The following SLC24A2 variants were observed in gnomAD, a reference collection of about 807,000 sequenced individuals.
SLC24A2 encodes the protein sodium/potassium/calcium exchanger 2.
A neutral mutation model predicts 62.0 loss-of-function variants in SLC24A2; 36 were observed. That is an observed-to-expected ratio of 0.58 (90% CI 0.44 to 0.77). SLC24A2 has a LOEUF of 0.77. Among genes scored for constraint, SLC24A2 ranks in the 30% least tolerant of loss-of-function variants. The pLI, the probability that SLC24A2 is intolerant of heterozygous loss-of-function variation, is 0.00. For missense variants in SLC24A2, 846 were observed against 817.9 expected, an observed-to-expected ratio of 1.03 and a Z score of -0.42; for synonymous variants, 358 against 294.0, an observed-to-expected ratio of 1.22 and a Z score of -2.23.
the SLC24A2 span, among the ~76,000 whole-genome samples, chr9:20,163,308 A>C: frequency 4.6e-5 from 7 of 152,294 alleles, no homozygotes; most frequent in East Asian, 1.9e-4. Context: ...TCAATGTGCA[A>C]AAATCACAAG....
At chr9:20,127,985 T>C in the SLC24A2 span, among the ~76,000 whole-genome samples, 3 of 152,110 alleles carry the variant, frequency 2.0e-5, no homozygotes, top group South Asian at 6.2e-4. Context: ...AACCAATGCC[T>C]ACTACGTAGT....
chr9:19,815,798 T>C, the SLC24A2 span, among the ~76,000 whole-genome samples: 1 of 152,148 alleles, frequency 6.6e-6, no homozygotes, highest in Non-Finnish European at 1.5e-5. Context: ...CTGAATATTT[T>C]ACTTTTCACC....
At chr9:20,051,487 C>A in the SLC24A2 span, among the ~76,000 whole-genome samples, 7 of 151,848 alleles carry the variant, frequency 4.6e-5, no homozygotes, top group Non-Finnish European at 8.8e-5. Flanking sequence ...GATTAGCAAA[C>A]TTCATATCAT....
the SLC24A2 span, chr9:19,929,852 T>C: frequency 9.9e-5 from 15 of 152,270 alleles, no homozygotes; most frequent in African/African-American, 3.6e-4. Flanking sequence ...TGACCCTGTG[T>C]AGGCTAATGT....
chr9:20,057,994 T>A, the SLC24A2 span, among the ~76,000 whole-genome samples: 1 of 152,090 alleles, frequency 6.6e-6, no homozygotes, highest in African/African-American at 2.4e-5. Flanking sequence ...CTTTCTTTGG[T>A]AAACAAACAA....
At chr9:20,114,237 C>T in the SLC24A2 span, among the ~76,000 whole-genome samples, 1 of 152,100 alleles carries the variant, frequency 6.6e-6, no homozygotes, top group African/African-American at 2.4e-5. Context: ...AAGGAAAGAA[C>T]CACCGCAAAG....
intron 2 of SLC24A2, among the ~76,000 whole-genome samples, chr9:19,716,409 A>G (rs74751885): frequency 0.02 from 3,076 of 152,276 alleles, 97 homozygotes; most frequent in African/African-American, 0.069. Context: ...GTGGGTCCCA[A>G]TGATAGATAG....
chr9:19,784,690 G>T (rs1823110415), intron 2 of SLC24A2, among the ~76,000 whole-genome samples: 1 of 152,170 alleles, frequency 6.6e-6, no homozygotes. Context: ...GATGTACTCA[G>T]TTGTCACATC....
chr9:20,050,747 G>C, the SLC24A2 span, among the ~76,000 whole-genome samples: 1 of 152,066 alleles, frequency 6.6e-6, no homozygotes, highest in South Asian at 2.1e-4. Flanking sequence ...CATAATGTTG[G>C]GCCTGACTTA....
At chr9:20,260,816 T>C in the SLC24A2 span, among the ~76,000 whole-genome samples, 2 of 146,552 alleles carry the variant, frequency 1.4e-5, no homozygotes, top group Non-Finnish European at 3.0e-5. Flanking sequence ...CACCCTTTCC[T>C]CCGAGTCCCC....
In SLC24A2 at chr9:19,727,300, A is replaced by G. The variant is rs557212106; in HGVS notation, c.930+58637T>C. On this transcript the variant is annotated intron_variant, in intron 2 of 10. Coordinates refer to ENST00000341998, the MANE Select transcript of SLC24A2 (RefSeq NM_020344.4). ...TGATCATCACCCATGAAACAAAAAA[A>G]GAATATTTTAGATATAATCCAAATT... Among the ~76,000 whole-genome samples, 3 of 152,346 alleles carry G rather than the reference A, an allele frequency of 2.0e-5. No individual in the cohort carries two copies. In the East Asian group the frequency reaches 5.8e-4, roughly 29 times the overall value.
chr9:20,189,822 TAA>T, the SLC24A2 span, among the ~76,000 whole-genome samples: 50,263 of 151,888 alleles, frequency 0.33, 9,480 homozygotes, highest in East Asian at 0.78. Flanking sequence ...AGGTTTCTCC[TAA>T]GTTTCCAGCC....
At chr9:20,105,620 G>C in the SLC24A2 span, among the ~76,000 whole-genome samples, 5 of 151,958 alleles carry the variant, frequency 3.3e-5, no homozygotes, top group African/African-American at 1.2e-4. Context: ...ATGAAATGAA[G>C]GCAGAAATAA....
intron 5 of SLC24A2, among the ~76,000 whole-genome samples, chr9:19,591,315 T>G (rs1412135078): frequency 6.6e-6 from 1 of 152,248 alleles, no homozygotes; most frequent in African/African-American, 2.4e-5. Context: ...TAGCTTGCTC[T>G]ATTCTCAGTC....
the SLC24A2 span, among the ~76,000 whole-genome samples, chr9:19,871,182 C>T: frequency 3.3e-5 from 5 of 152,218 alleles, no homozygotes; most frequent in African/African-American, 1.2e-4. Flanking sequence ...ATTCTTTGAA[C>T]ATGTAATTCC....
the SLC24A2 span, among the ~76,000 whole-genome samples, chr9:19,820,349 G>T: frequency 2.7e-5 from 4 of 150,282 alleles, no homozygotes; most frequent in African/African-American, 9.7e-5. Context: ...CTGCTCAGGT[G>T]ATGGGTGCAC....
rs559223510 is a variant in SLC24A2, at chr9:19,725,314, G to A, written c.930+60623C>T. 3.9e-5 allele frequency among the ~76,000 whole-genome samples: 6 copies of A among 152,220 alleles called. No individual in the cohort carries two copies. The South Asian group carries it at 1.0e-3, about 26-fold the overall frequency. ...GTAAGTGGTTAATTTTATATTGCAC[G>A]TTATAATTACATATAACTCAATCAG... On this transcript the variant is annotated intron_variant, in intron 2 of 10. Coordinates refer to ENST00000341998, the MANE Select transcript of SLC24A2 (RefSeq NM_020344.4).
the SLC24A2 span, among the ~76,000 whole-genome samples, chr9:20,285,675 T>C: frequency 1.3e-5 from 2 of 152,218 alleles, no homozygotes; most frequent in Admixed American, 1.3e-4. Context: ...CCAGAATGTT[T>C]GACCAAATTT....
chr9:19,698,087 G>C (rs1820244918), intron 2 of SLC24A2, among the ~76,000 whole-genome samples: 2 of 152,044 alleles, frequency 1.3e-5, no homozygotes, highest in African/African-American at 4.8e-5. Context: ...GTTTATTCTA[G>C]CAAGTGCTTC....
Sources: gnomAD v4.1 joint callset for allele counts (sites outside exome capture counted in the v4.1 genomes callset) on GRCh38, gnomAD v4.1.1 for gene constraint, MANE v1.5 for transcripts, NCBI Gene and HGNC (gene_info 2026-07-23, HGNC 2026-07-21) for gene names.